The following ROBO1 variants were observed in gnomAD, a reference collection of about 807,000 sequenced individuals.
ROBO1 encodes roundabout guidance receptor 1, also known as roundabout homolog 1.
Under a neutral mutation model 195.9 loss-of-function variants are expected in ROBO1, and 149 were observed. The ratio of observed to expected loss-of-function variants is 0.76; its 90% CI spans 0.67 to 0.87. The LOEUF (loss-of-function observed/expected upper bound fraction) is 0.87, where lower values mean the gene tolerates loss of function less well. Among genes scored for constraint, ROBO1 ranks in the 40% least tolerant of loss-of-function variants. The pLI is 0.00. For synonymous variants in ROBO1, 816 were observed against 733.2 expected (o/e 1.11, Z -1.82); for missense variants, 1,933 against 2,068.3 (o/e 0.93, Z 1.27).
chr3:78,800,362 T>C (rs182082934), intron 4 of ROBO1, among the ~76,000 whole-genome samples: 5 of 152,218 alleles, frequency 3.3e-5, no homozygotes, highest in African/African-American at 1.2e-4. Context: ...ATTGGCCTAA[T>C]TATAAAATAG....
At chr3:78,912,507 C>T (rs1015009034) in intron 4 of ROBO1, among the ~76,000 whole-genome samples, 2 of 152,220 alleles carry the variant, frequency 1.3e-5, no homozygotes, top group African/African-American at 4.8e-5. Context: ...ATGCTGCCTA[C>T]CATTAAATAT....
At chr3:78,689,895 G>T (rs956651258) in intron 8 of ROBO1, among the ~76,000 whole-genome samples, 3 of 151,474 alleles carry the variant, frequency 2.0e-5, no homozygotes, top group African/African-American at 7.3e-5. Context: ...GCTCACAAGA[G>T]TATAATTTCT....
At chr3:79,654,714 C>A (rs1946109441) in intron 1 of ROBO1, among the ~76,000 whole-genome samples, 1 of 118,750 alleles carries the variant, frequency 8.4e-6, no homozygotes. Context: ...CTCTGTTTAG[C>A]TCTTTTCTAG....
intron 4 of ROBO1, among the ~76,000 whole-genome samples, chr3:78,865,393 C>T (rs938198096): frequency 6.6e-6 from 1 of 151,646 alleles, no homozygotes; most frequent in African/African-American, 2.4e-5. Flanking sequence ...ATATGCTTTA[C>T]TCATTTGGGG....
rs373141952 is a variant in ROBO1 at position 78,746,731 on chromosome 3, T to G, written c.657+12A>C. The G allele has an allele frequency of 6.8e-7, 1 of 1,469,046 alleles. No homozygotes were observed. The highest frequency in any genetic ancestry group is 1.4e-5 in the African/African-American group (1 of 71,684). The allele number at this position is 1,469,046 out of a possible 1,614,324, so 91.0% of individuals were successfully genotyped here. On this transcript the variant is annotated intron_variant, in intron 5 of 30. Coordinates refer to ENST00000464233, the MANE Select transcript of ROBO1 (RefSeq NM_002941.4). ...CCAACAAATGTCCTCTGCTGTTGAA[T>G]TAAATACTCACAGTTATTCTTTCAT... is the stretch of plus-strand genomic sequence containing the variant.
At chr3:79,034,195 AT>A (rs1376792849) in intron 3 of ROBO1, among the ~76,000 whole-genome samples, 2 of 152,244 alleles carry the variant, frequency 1.3e-5, no homozygotes, top group East Asian at 3.9e-4. Flanking sequence ...ATGTAAACAT[AT>A]TTTTTTACTT....
intron 2 of ROBO1, among the ~76,000 whole-genome samples, chr3:79,170,526 C>G (rs2108691827): frequency 6.6e-6 from 1 of 152,124 alleles, no homozygotes; most frequent in South Asian, 2.1e-4. Context: ...TTCAAATAGC[C>G]TTGCCCCTAA....
intron 1 of ROBO1, among the ~76,000 whole-genome samples, chr3:79,613,292 T>C (rs1267376534): frequency 6.6e-6 from 1 of 152,044 alleles, no homozygotes. Context: ...TTCTATATTA[T>C]TATGCATAAT....
intron 1 of ROBO1, among the ~76,000 whole-genome samples, chr3:79,644,777 A>G (rs941189640): frequency 6.6e-6 from 1 of 152,154 alleles, no homozygotes; most frequent in Non-Finnish European, 1.5e-5. Context: ...TCATCAGTAC[A>G]TGGAACATTC....
chr3:79,172,214 T>C (rs1426616443), intron 2 of ROBO1, among the ~76,000 whole-genome samples: 2 of 152,176 alleles, frequency 1.3e-5, no homozygotes, highest in Admixed American at 6.5e-5. Context: ...GATGAAAGCA[T>C]TTCAGTTACT....
rs534796039 is a variant in ROBO1 at position 78,999,355 on chromosome 3, T to C, written c.173-60428A>G. On this transcript the variant is annotated intron_variant, in intron 3 of 30. Transcript: ENST00000464233. ...AAATAAAATGTGACATGGAATACTA[T>C]GCAGCCATAAAGAAGCATGAAATCA... Among the ~76,000 whole-genome samples, 23 of 152,174 alleles carry C rather than the reference T, an allele frequency of 1.5e-4. No homozygotes were observed. In the South Asian group the frequency reaches 4.6e-3, roughly 30 times the overall value.
chr3:79,478,783 G>A (rs1309429581), intron 2 of ROBO1, among the ~76,000 whole-genome samples: 1 of 152,106 alleles, frequency 6.6e-6, no homozygotes, highest in Non-Finnish European at 1.5e-5. Flanking sequence ...AGGAAGCTTT[G>A]CTTAGTGCTT....
intron 3 of ROBO1, among the ~76,000 whole-genome samples, chr3:79,032,720 TAATA>T (rs1487386932): frequency 5.9e-5 from 9 of 152,060 alleles, no homozygotes; most frequent in African/African-American, 1.9e-4. Flanking sequence ...ACTATAGTCA[TAATA>T]AATTATCAAA....
chr3:79,553,631 A>T (rs1942599630), intron 2 of ROBO1, among the ~76,000 whole-genome samples: 1 of 152,122 alleles, frequency 6.6e-6, no homozygotes, highest in African/African-American at 2.4e-5. Flanking sequence ...ATGAATGATT[A>T]TGTAAACATT....
intron 2 of ROBO1, among the ~76,000 whole-genome samples, chr3:79,266,798 C>A (rs1241904159): frequency 6.6e-6 from 1 of 151,458 alleles, no homozygotes; most frequent in Admixed American, 6.6e-5. Flanking sequence ...TTATACCAAA[C>A]AAAGTGAATA....
chr3:79,244,008 T>C (rs1436070027), intron 2 of ROBO1, among the ~76,000 whole-genome samples: 2 of 152,196 alleles, frequency 1.3e-5, no homozygotes, highest in African/African-American at 4.8e-5. Flanking sequence ...AATTTTTCTA[T>C]AAGGTGTAAG....
At chr3:79,328,475 G>C (rs945910571) in intron 2 of ROBO1, among the ~76,000 whole-genome samples, 2 of 152,068 alleles carry the variant, frequency 1.3e-5, no homozygotes, top group Non-Finnish European at 2.9e-5. Context: ...AACACTGGCA[G>C]GGTGTTTGAT....
At chr3:79,018,938 A>G (rs2078030092) in intron 3 of ROBO1, 1 of 987,588 alleles carries the variant, frequency 1.0e-6, no homozygotes, top group Non-Finnish European at 1.2e-6. Flanking sequence ...CCCAGTCAGC[A>G]GCGGGCCACC....
chr3:79,332,550 C>G lies in ROBO1; in HGVS notation c.89-207011G>C, dbSNP rs184276466. Reference sequence around the variant, plus strand: ...TGAGGATGTATCTTTACTTGTTTTCCCATTTCTACATCCCTGGCATCTAGA... The same window carrying G: ...TGAGGATGTATCTTTACTTGTTTTCGCATTTCTACATCCCTGGCATCTAGA... On this transcript the variant is annotated intron_variant, in intron 2 of 30. Transcript: ENST00000464233. Among the ~76,000 whole-genome samples the G allele has an allele frequency of 1.4e-3, 206 of 152,202 alleles. 1 individual carries two copies. The highest frequency in any genetic ancestry group is 3.0e-3 in the Admixed American group (46 of 15,290).
Sources: gnomAD v4.1 joint callset for allele counts (sites outside exome capture counted in the v4.1 genomes callset) on GRCh38, gnomAD v4.1.1 for gene constraint, MANE v1.5 for transcripts, NCBI Gene and HGNC (gene_info 2026-07-23, HGNC 2026-07-21) for gene names.